HCN1: variants seen among roughly 807,000 people sequenced by gnomAD.
HCN1 encodes potassium/sodium hyperpolarization-activated cyclic nucleotide-gated channel 1.
In HCN1, 13 loss-of-function variants were observed where a neutral mutation model predicts 78.9. The ratio of observed to expected loss-of-function variants is 0.16; its 90% CI spans 0.11 to 0.26. The LOEUF (loss-of-function observed/expected upper bound fraction) is 0.26. Ranked by LOEUF, HCN1 falls within the 10% of genes least tolerant of loss-of-function variation. The probability of loss-of-function intolerance (pLI) is 1.00; values close to 1 mark genes in which losing one functional copy is unlikely to be tolerated. For synonymous variants in HCN1, 552 were observed against 455.5 expected (o/e 1.21, Z -2.70); for missense variants, 810 against 1,154.3 (o/e 0.70, Z 4.32).
chr5:45,692,508 G>A (rs1561247200), intron 1 of HCN1, among the ~76,000 whole-genome samples: 1 of 152,160 alleles, frequency 6.6e-6, no homozygotes, highest in Non-Finnish European at 1.5e-5. Flanking sequence ...TGAGCTTGTT[G>A]TGTTTACTAA....
At chr5:45,526,884 C>T (rs1444358316) in intron 2 of HCN1, among the ~76,000 whole-genome samples, 1 of 151,834 alleles carries the variant, frequency 6.6e-6, no homozygotes, top group Non-Finnish European at 1.5e-5. Context: ...GCTTAATTAC[C>T]CCTGCCACAC....
intron 5 of HCN1, among the ~76,000 whole-genome samples, chr5:45,331,547 G>A (rs368910085): frequency 1.1e-4 from 16 of 151,152 alleles, no homozygotes; most frequent in Middle Eastern, 3.4e-3. Flanking sequence ...TTTACTTCAC[G>A]TAATCAACAT....
At chr5:45,547,778 A>T (rs1313111795) in intron 2 of HCN1, among the ~76,000 whole-genome samples, 2 of 151,958 alleles carry the variant, frequency 1.3e-5, no homozygotes, top group Non-Finnish European at 2.9e-5. Flanking sequence ...GTCTTCATGT[A>T]ATAAACATAT....
chr5:45,588,135 T>G (rs1744274247), intron 2 of HCN1, among the ~76,000 whole-genome samples: 1 of 152,160 alleles, frequency 6.6e-6, no homozygotes, highest in Non-Finnish European at 1.5e-5. Context: ...TATCTTGAAC[T>G]AAGACAATAT....
At position 45,450,121 on chromosome 5, in the gene HCN1, G is replaced by A. The variant is rs190736255; in HGVS notation, c.1011+11725C>T. Among the ~76,000 whole-genome samples, 258 of 152,288 alleles carry A rather than the reference G, an allele frequency of 1.7e-3. 1 individual carries two copies. The highest frequency in any genetic ancestry group is 5.9e-3 in the African/African-American group (245 of 41,578). ...GCTGGGATTACAGGCGTGAGCCACC[G>A]CGCCCAGCCGAACATAAGTTTTATT... On this transcript the variant is annotated intron_variant, in intron 3 of 7. Coordinates refer to ENST00000303230, the MANE Select transcript of HCN1 (RefSeq NM_021072.4).
rs111206617 is a variant in HCN1, at chr5:45,373,890, T to C, written c.1231-20644A>G. On this transcript the variant is annotated intron_variant, in intron 4 of 7. Transcript: ENST00000303230. ...TATAATATATTACATACGGTATATA[T>C]GTCATCTATAATATATTACATACGG... Among the ~76,000 whole-genome samples the C allele has an allele frequency of 3.6e-3, 467 of 128,520 alleles. 2 individuals are homozygous for C. The highest frequency in any genetic ancestry group is 0.012 in the African/African-American group (402 of 33,334). The allele number at this position is 128,520 out of a possible 152,430, so 84.3% of individuals were successfully genotyped here.
intron 2 of HCN1, among the ~76,000 whole-genome samples, chr5:45,498,585 C>T (rs923515823): frequency 6.6e-6 from 1 of 152,204 alleles, no homozygotes; most frequent in Non-Finnish European, 1.5e-5. Flanking sequence ...TCTCTCAGCT[C>T]GTCAAAGTCA....
chr5:45,564,660 A>T (rs556058170), intron 2 of HCN1, among the ~76,000 whole-genome samples: 2 of 152,306 alleles, frequency 1.3e-5, no homozygotes, highest in South Asian at 4.1e-4. Context: ...ATAAGAGCAA[A>T]TACTCCTATT....
At chr5:45,657,516 T>G (rs916850346) in intron 1 of HCN1, among the ~76,000 whole-genome samples, 1 of 152,214 alleles carries the variant, frequency 6.6e-6, no homozygotes, top group African/African-American at 2.4e-5. Flanking sequence ...TAGAGGAAAT[T>G]TTTAAATTAT....
At chr5:45,312,244 G>C (rs1745864569) in intron 5 of HCN1, among the ~76,000 whole-genome samples, 1 of 152,144 alleles carries the variant, frequency 6.6e-6, no homozygotes, top group Non-Finnish European at 1.5e-5. Flanking sequence ...GTAGTGCTAA[G>C]ATTTTAAATT....
intron 3 of HCN1, among the ~76,000 whole-genome samples, chr5:45,422,488 C>T (rs1740249266): frequency 6.6e-6 from 1 of 152,100 alleles, no homozygotes; most frequent in Non-Finnish European, 1.5e-5. Context: ...ACCTAATCAC[C>T]CCTCAAGGGC....
chr5:45,639,630 T>C (rs746007760), intron 2 of HCN1, among the ~76,000 whole-genome samples: 13 of 152,182 alleles, frequency 8.5e-5, no homozygotes, highest in Admixed American at 2.0e-4. Flanking sequence ...ATAGACTTCA[T>C]AGAAGGCCTT....
intron 1 of HCN1, among the ~76,000 whole-genome samples, chr5:45,647,614 A>G (rs1745576986): frequency 6.6e-6 from 1 of 152,064 alleles, no homozygotes; most frequent in Non-Finnish European, 1.5e-5. Flanking sequence ...GTCCATTCCT[A>G]TCTTCTAAGC....
intron 1 of HCN1, among the ~76,000 whole-genome samples, chr5:45,665,584 C>T (rs1561237968): frequency 6.6e-6 from 1 of 151,944 alleles, no homozygotes; most frequent in Non-Finnish European, 1.5e-5. Flanking sequence ...TTCTCAGACT[C>T]TTTTTGGTAC....
At chr5:45,589,051 G>C (rs1424367453) in intron 2 of HCN1, among the ~76,000 whole-genome samples, 2 of 152,144 alleles carry the variant, frequency 1.3e-5, no homozygotes, top group Non-Finnish European at 2.9e-5. Context: ...CTGAGAGAGA[G>C]CTTTATGTTA....
Position 45,373,055 on chromosome 5 carries a change from A to T in HCN1, c.1231-19809T>A, listed in dbSNP as rs1036167621. Among the ~76,000 whole-genome samples the T allele has an allele frequency of 1.6e-4, 22 of 136,282 alleles. No homozygotes were observed. In the South Asian group the frequency reaches 4.2e-3, roughly 26 times the overall value. The allele number at this position is 136,282 out of a possible 152,430, so 89.4% of individuals were successfully genotyped here. On this transcript the variant is annotated intron_variant, in intron 4 of 7. Transcript: ENST00000303230. ...ATATTAAATATATAAAATATAATAT[A>T]TATAAAATATATGTAGTATATAATA...
At chr5:45,281,305 T>A (rs1745159576) in intron 6 of HCN1, among the ~76,000 whole-genome samples, 1 of 152,076 alleles carries the variant, frequency 6.6e-6, no homozygotes, top group East Asian at 1.9e-4. Flanking sequence ...TGTGTATTAC[T>A]TCCCCCTTCT....
chr5:45,688,452 G>A (rs1033548253), intron 1 of HCN1, among the ~76,000 whole-genome samples: 1 of 152,080 alleles, frequency 6.6e-6, no homozygotes, highest in Non-Finnish European at 1.5e-5. Flanking sequence ...GCACATACTT[G>A]CAGGTGCCAG....
intron 1 of HCN1, among the ~76,000 whole-genome samples, chr5:45,649,751 A>G (rs1021043125): frequency 2.6e-5 from 4 of 152,146 alleles, no homozygotes; most frequent in African/African-American, 9.6e-5. Flanking sequence ...GATAGCATCT[A>G]AGATAGCAAA....
Sources: gnomAD v4.1 joint callset for allele counts (sites outside exome capture counted in the v4.1 genomes callset) on GRCh38, gnomAD v4.1.1 for gene constraint, MANE v1.5 for transcripts, NCBI Gene and HGNC (gene_info 2026-07-23, HGNC 2026-07-21) for gene names.